Variants in SLC25A13 observed in about 807,000 individuals in gnomAD.
SLC25A13 encodes solute carrier family 25 member 13, also known as electrogenic aspartate/glutamate antiporter SLC25A13, mitochondrial.
SLC25A13 carries 70 observed loss-of-function variants against 85.5 expected under a neutral mutation model. The observed-to-expected ratio is 0.82, with a 90% CI of 0.68 to 1.00. SLC25A13 has a LOEUF of 1.00. SLC25A13 is among the 50% of genes least tolerant of loss of function. SLC25A13 has a pLI of 0.00. For missense variants in SLC25A13, 765 were observed against 819.8 expected, an observed-to-expected ratio of 0.93 and a Z score of 0.82; for synonymous variants, 259 against 288.7, an observed-to-expected ratio of 0.90 and a Z score of 1.04.
At chr7:96,137,261 AG>A (rs973460431) in intron 14 of SLC25A13, among the ~76,000 whole-genome samples, 1 of 152,222 alleles carries the variant, frequency 6.6e-6, no homozygotes, top group African/African-American at 2.4e-5. Flanking sequence ...AAACCAAATA[AG>A]CCAGCCAACA....
chr7:96,250,472 C>T (rs11973160), intron 3 of SLC25A13, among the ~76,000 whole-genome samples: 3 of 152,208 alleles, frequency 2.0e-5, no homozygotes, highest in South Asian at 2.1e-4. Flanking sequence ...CATAAATGAG[C>T]GAGGACATGC....
At chr7:96,221,122 C>T (rs1420983541) in intron 4 of SLC25A13, among the ~76,000 whole-genome samples, 1 of 152,046 alleles carries the variant, frequency 6.6e-6, no homozygotes, top group African/African-American at 2.4e-5. Flanking sequence ...AAATTGAAGC[C>T]ATTATGGTCA....
intron 4 of SLC25A13, among the ~76,000 whole-genome samples, chr7:96,217,613 T>G (rs1160932451): frequency 6.6e-6 from 1 of 152,168 alleles, no homozygotes; most frequent in African/African-American, 2.4e-5. Flanking sequence ...TTATGCTAAG[T>G]AAAAGAAACC....
At chr7:96,291,815 C>A (rs1248100182) in intron 2 of SLC25A13, among the ~76,000 whole-genome samples, 1 of 152,140 alleles carries the variant, frequency 6.6e-6, no homozygotes, top group African/African-American at 2.4e-5. Flanking sequence ...AAGTCCAGGA[C>A]CAGACAGATT....
intron 3 of SLC25A13, among the ~76,000 whole-genome samples, chr7:96,259,867 T>C (rs1260994004): frequency 6.6e-6 from 1 of 152,130 alleles, no homozygotes; most frequent in Non-Finnish European, 1.5e-5. Flanking sequence ...TAGAATACTA[T>C]GCAGCCACAA....
intron 15 of SLC25A13, among the ~76,000 whole-genome samples, chr7:96,122,871 C>T (rs1791571649): frequency 6.6e-6 from 1 of 152,146 alleles, no homozygotes; most frequent in Non-Finnish European, 1.5e-5. Context: ...TATTACTTTT[C>T]CATTATGAAC....
At chr7:96,234,074 A>C (rs1796654174) in intron 4 of SLC25A13, among the ~76,000 whole-genome samples, 1 of 152,254 alleles carries the variant, frequency 6.6e-6, no homozygotes, top group Non-Finnish European at 1.5e-5. Context: ...GACACCACAG[A>C]GTCCAAGGGA....
intron 1 of SLC25A13, 64 bp from the exon 2 acceptor site, chr7:96,297,015 TA>T: frequency 7.3e-7 from 1 of 1,363,372 alleles, no homozygotes; most frequent in African/African-American, 1.4e-5. Flanking sequence ...GCTAGCCGAC[TA>T]AAGGAAAATA....
chr7:96,243,057 C>T (rs373285204), intron 3 of SLC25A13, among the ~76,000 whole-genome samples: 24 of 152,196 alleles, frequency 1.6e-4, no homozygotes, highest in East Asian at 7.7e-4. Context: ...CTCTGCCTCC[C>T]GGGTTCAAGC....
chr7:96,201,872 T>TA (rs1415404932), intron 5 of SLC25A13, among the ~76,000 whole-genome samples: 1 of 152,072 alleles, frequency 6.6e-6, no homozygotes, highest in East Asian at 1.9e-4. Flanking sequence ...CTATGACAAA[T>TA]AGAGTCGCAA....
intron 14 of SLC25A13, among the ~76,000 whole-genome samples, chr7:96,144,591 T>C (rs1162787342): frequency 6.6e-6 from 1 of 152,202 alleles, no homozygotes; most frequent in African/African-American, 2.4e-5. Context: ...ACTTGAGCAA[T>C]CCTGCTCATT....
chr7:96,268,160 G>C (rs1798106001), intron 3 of SLC25A13, among the ~76,000 whole-genome samples: 1 of 152,112 alleles, frequency 6.6e-6, no homozygotes, highest in Admixed American at 6.6e-5. Flanking sequence ...GGTCTTCCCA[G>C]GTGAGAAGGT....
At chr7:96,128,212 C>T (rs538679058) in intron 15 of SLC25A13, among the ~76,000 whole-genome samples, 48 of 152,316 alleles carry the variant, frequency 3.2e-4, no homozygotes, top group African/African-American at 1.1e-3. Context: ...ACTTCTTAGA[C>T]ATTTTAATTT....
At chr7:96,239,507 G>A (rs181968298) in intron 3 of SLC25A13, among the ~76,000 whole-genome samples, 53 of 152,094 alleles carry the variant, frequency 3.5e-4, no homozygotes. Flanking sequence ...AACTCACTTA[G>A]TTCCTTTTCC....
chr7:96,322,059 G>A lies in SLC25A13; in HGVS notation c.-103C>T. On this transcript the variant is annotated 5_prime_UTR_variant, in exon 1 of 18. Transcript: ENST00000265631. ...AGTCCCGGCGGCGGCGGCGGTGGGGGCGGCGATACGGCCAGGCAGCGTGCG... is the reference window on the plus strand; with the variant it reads ...AGTCCCGGCGGCGGCGGCGGTGGGGACGGCGATACGGCCAGGCAGCGTGCG... 6.9e-7 allele frequency: 1 copy of A among 1,450,636 alleles called. No homozygotes were observed. The allele number at this position is 1,450,636 out of a possible 1,614,324, so 89.9% of individuals were successfully genotyped here.
Position 96,188,137 on chromosome 7 carries a change from C to T in SLC25A13, c.933+1157G>A, listed in dbSNP as rs1008350306. Among the ~76,000 whole-genome samples the T allele has an allele frequency of 3.3e-5, 5 of 152,180 alleles. No homozygotes were observed. The South Asian group carries it at 6.2e-4, about 19-fold the overall frequency. On this transcript the variant is annotated intron_variant, in intron 9 of 17. Coordinates refer to ENST00000265631, the MANE Select transcript of SLC25A13 (RefSeq NM_014251.3). ...TCTACAATAGCTGGTGGCATACAGA[C>T]GAAGAGATAATCATCTCCTAAGCAG...
chr7:96,312,348 T>C (rs1348071750), intron 1 of SLC25A13, among the ~76,000 whole-genome samples: 2 of 152,214 alleles, frequency 1.3e-5, no homozygotes, highest in Admixed American at 6.5e-5. Context: ...TTAGTAGATA[T>C]AAAGTGCTTG....
intron 11 of SLC25A13, among the ~76,000 whole-genome samples, chr7:96,175,266 C>T (rs1360052127): frequency 2.6e-5 from 4 of 152,218 alleles, no homozygotes; most frequent in Non-Finnish European, 5.9e-5. Flanking sequence ...GCAGAGGAAA[C>T]AGTTGGTGTG....
intron 15 of SLC25A13, among the ~76,000 whole-genome samples, chr7:96,127,593 T>C (rs1197230149): frequency 6.6e-6 from 1 of 152,214 alleles, no homozygotes; most frequent in Non-Finnish European, 1.5e-5. Flanking sequence ...TACTGAATAA[T>C]TGAAATTATT....
Sources: allele counts gnomAD v4.1 joint callset (sites outside exome capture counted in the v4.1 genomes callset), GRCh38; gene constraint gnomAD v4.1.1; transcripts MANE v1.5; gene names NCBI Gene and HGNC (gene_info 2026-07-23, HGNC 2026-07-21).